The following FBXO25 variants were observed in gnomAD, a reference collection of about 807,000 sequenced individuals.
FBXO25 encodes the protein F-box only protein 25.
In FBXO25, 45 loss-of-function variants were observed where a neutral mutation model predicts 51.9. The observed-to-expected ratio is 0.87, with a 90% CI of 0.68 to 1.11. The LOEUF (loss-of-function observed/expected upper bound fraction) is 1.11, where lower values mean the gene tolerates loss of function less well. FBXO25 is among the 50% of genes most tolerant of loss of function. The pLI is 0.00. For missense variants in FBXO25, 507 were observed against 428.5 expected (o/e 1.18, Z -1.62); for synonymous variants, 199 against 151.0 (o/e 1.32, Z -2.33).
At position 435,637 on chromosome 8, in the gene FBXO25, G is replaced by C; in HGVS notation, c.311G>C (p.Gly104Ala). Residue 104 changes from glycine (G) to alanine (A), a missense_variant, in exon 5 of 10, where the codon GGA becomes GCA. By Grantham distance (60) the Gly-to-Ala change is moderately conservative. Coordinates refer to ENST00000350302, the MANE Select transcript of FBXO25 (RefSeq NM_183420.2). ...TKERHGYCTL[G>A]EAFNRLDFSS... ...CAGAGGCATGGCTATTGCACCTTGG[G>C]AGAAGCCTTTAATCGGTTAGACTTC... 6.2e-7 allele frequency: 1 copy of C among 1,606,082 alleles called. No individual in the cohort carries two copies. The highest frequency in any genetic ancestry group is 8.5e-7 in the Non-Finnish European group (1 of 1,178,728).
rs538455083 is a variant in FBXO25, at chr8:454,977, C to A, written c.661-3392C>A. ...TGGTCAGTGCTTAACAACTGGCTCT[C>A]CAGGGGCAAGAGGTTTGATTTGTAG... On this transcript the variant is annotated intron_variant, in intron 7 of 9. Transcript: ENST00000350302. Among the ~76,000 whole-genome samples, 3 of 152,106 alleles carry A rather than the reference C, an allele frequency of 2.0e-5. No homozygotes were observed. The East Asian group carries it at 5.8e-4, about 29-fold the overall frequency.
chr8:420,419 G>A (rs1011102174), intron 2 of FBXO25: 4 of 152,220 alleles, frequency 2.6e-5, no homozygotes, highest in African/African-American at 7.2e-5. Flanking sequence ...CTTAGGAGCT[G>A]GCAGTCTCAC....
intron 1 of FBXO25, among the ~76,000 whole-genome samples, chr8:411,753 G>A (rs1796494518): frequency 6.6e-6 from 1 of 152,206 alleles, no homozygotes; most frequent in East Asian, 1.9e-4. Flanking sequence ...GGTAGGGAGG[G>A]GGTTGAGGCA....
intron 3 of FBXO25, among the ~76,000 whole-genome samples, chr8:432,582 A>G (rs1279124832): frequency 6.6e-6 from 1 of 152,224 alleles, no homozygotes; most frequent in Non-Finnish European, 1.5e-5. Flanking sequence ...ATTAGGGTAC[A>G]TAGGAATGTA....
intron 2 of FBXO25, among the ~76,000 whole-genome samples, chr8:415,546 C>T (rs943463083): frequency 4.6e-5 from 7 of 152,158 alleles, no homozygotes; most frequent in Middle Eastern, 3.2e-3. Context: ...GAAGAGAGGA[C>T]AGCCAGTTAA....
At chr8:439,105 T>C (rs12546248) in intron 5 of FBXO25, among the ~76,000 whole-genome samples, 9,008 of 152,316 alleles carry the variant, frequency 0.059, 298 homozygotes, top group Middle Eastern at 0.082. Context: ...GGGAGACCAG[T>C]ACCCAAAAGC....
chr8:463,056 T>A lies in FBXO25; in HGVS notation c.893T>A (p.Leu298Ter). The change falls in exon 9 of 10, where the codon TTG becomes TAG. Residue 298 changes from leucine to a stop codon, truncating the protein, a stop_gained. Transcript: ENST00000350302. LOFTEE classifies it high-confidence loss of function. ...GAAAAAGGTCATATTGAATGGAAGT[T>A]GATGTACTTTGCACTTCAGAAACAT... ...LSEKGHIEWK[L>*]MYFALQKHYP... 1 of 1,613,780 alleles carries A rather than the reference T, an allele frequency of 6.2e-7. No homozygotes were observed. Among genetic ancestry groups the A allele is most frequent in the Non-Finnish European group, 8.5e-7 (1 of 1,179,942 alleles).
At position 468,975 on chromosome 8, in the gene FBXO25, C is replaced by G. The variant is rs1025658489; in HGVS notation, c.*171C>G. The stretch of plus-strand genomic sequence containing the variant: ...GGACTGCATGGTTGCATTTTCATCA[C>G]TGAAAGTCAGAGGCCAAGGAAATCA... On this transcript the variant is annotated 3_prime_UTR_variant, in exon 10 of 10. Transcript: ENST00000350302. 10 of 582,158 alleles carry G rather than the reference C, an allele frequency of 1.7e-5. No homozygotes were observed. The highest frequency in any genetic ancestry group is 3.0e-5 in the Non-Finnish European group (10 of 336,782). 36.1% of individuals were successfully genotyped at this position (582,158 alleles called of 1,614,324 possible). A position where few individuals can be genotyped will look rare whatever the true frequency, so the allele number is the denominator to read the frequency against.
At chr8:431,897 G>A (rs1797839817) in intron 3 of FBXO25, among the ~76,000 whole-genome samples, 1 of 152,158 alleles carries the variant, frequency 6.6e-6, no homozygotes, top group African/African-American at 2.4e-5. Context: ...ATATCTGTGA[G>A]TTACCAAGAC....
intron 2 of FBXO25, among the ~76,000 whole-genome samples, chr8:423,397 C>T (rs1291612827): frequency 6.6e-6 from 1 of 152,116 alleles, no homozygotes; most frequent in East Asian, 1.9e-4. Context: ...GATCCTGTCA[C>T]CTCGTTAGCA....
chr8:467,732 G>C, intron 9 of FBXO25: 1 of 1,613,738 alleles, frequency 6.2e-7, no homozygotes, highest in Non-Finnish European at 8.5e-7. Flanking sequence ...CTACCATCTT[G>C]CTTTACTATT....
At chr8:420,803 A>G (rs1797105548) in intron 2 of FBXO25, among the ~76,000 whole-genome samples, 1 of 152,052 alleles carries the variant, frequency 6.6e-6, no homozygotes. Flanking sequence ...TTGATGACAA[A>G]GAGAGTCAGA....
chr8:428,088 C>A lies in FBXO25; in HGVS notation c.135-3253C>A, dbSNP rs35389027. ...TGGGGTTTAATTATGAGAAATAGTTCCGTTCTTGGCTCTTGTTTACTTCTA... is the reference window on the plus strand; with the variant it reads ...TGGGGTTTAATTATGAGAAATAGTTACGTTCTTGGCTCTTGTTTACTTCTA... On this transcript the variant is annotated intron_variant, in intron 2 of 9. Transcript: ENST00000350302. Among the ~76,000 whole-genome samples, 1,192 of 152,222 alleles carry A rather than the reference C, an allele frequency of 7.8e-3. 10 individuals are homozygous for A. The highest frequency in any genetic ancestry group is 0.027 in the African/African-American group (1,130 of 41,520).
chr8:411,077 AT>A (rs1398653158), intron 1 of FBXO25, among the ~76,000 whole-genome samples: 2 of 152,090 alleles, frequency 1.3e-5, no homozygotes, highest in Non-Finnish European at 2.9e-5. Context: ...TTCATCTCTC[AT>A]TTATTCTCCA....
intron 8 of FBXO25, 128 bp from the exon 9 acceptor site, chr8:462,879 T>C (rs1799905542): frequency 9.1e-7 from 1 of 1,103,308 alleles, no homozygotes; most frequent in African/African-American, 1.6e-5. Context: ...AACCCACTTG[T>C]AACCCTAAAG....
At chr8:433,051 G>T in intron 4 of FBXO25, 116 bp downstream of exon 4, 1 of 1,240,870 alleles carries the variant, frequency 8.1e-7, no homozygotes, top group African/African-American at 1.6e-5. Context: ...TGCAATATCA[G>T]ATCTATGGTT....
chr8:419,368 T>C (rs1453893919), intron 2 of FBXO25, among the ~76,000 whole-genome samples: 1 of 151,790 alleles, frequency 6.6e-6, no homozygotes, highest in East Asian at 1.9e-4. Flanking sequence ...AAACTCCATC[T>C]CAAAAAGAAA....
chr8:467,890 G>C, intron 9 of FBXO25: 2 of 1,523,772 alleles, frequency 1.3e-6, no homozygotes, highest in South Asian at 2.5e-5. Context: ...GAGCAGGGCT[G>C]AGTGGCCACT....
chr8:449,134 T>C (rs1184726686), intron 5 of FBXO25, among the ~76,000 whole-genome samples: 1 of 152,168 alleles, frequency 6.6e-6, no homozygotes, highest in Non-Finnish European at 1.5e-5. Context: ...CTCCAAGTTG[T>C]ACGTAAGAAG....
Sources: allele counts gnomAD v4.1 joint callset (sites outside exome capture counted in the v4.1 genomes callset), GRCh38; gene constraint gnomAD v4.1.1; transcripts MANE v1.5; gene names NCBI Gene and HGNC (gene_info 2026-07-23, HGNC 2026-07-21).